VPS13A: variants seen among roughly 807,000 people sequenced by gnomAD.
VPS13A encodes the protein vacuolar protein sorting 13 homolog A, also known as intermembrane lipid transfer protein VPS13A.
VPS13A carries 264 observed loss-of-function variants against 390.9 expected under a neutral mutation model. That is an observed-to-expected ratio of 0.68 (90% confidence interval 0.61 to 0.75). The LOEUF is 0.75. Among genes scored for constraint, VPS13A ranks in the 30% least tolerant of loss-of-function variants. The pLI, the probability that VPS13A is intolerant of heterozygous loss-of-function variation, is 0.00. For missense variants in VPS13A, 3,409 were observed against 3,733.9 expected (o/e 0.91, Z 2.27); for synonymous variants, 1,231 against 1,227.1 (o/e 1.00, Z -0.07).
chr9:77,209,331 G>A, intron 5 of VPS13A, 92 bp from the exon 6 acceptor site: 1 of 874,908 alleles, frequency 1.1e-6, no homozygotes, highest in South Asian at 1.5e-5. Flanking sequence ...GTATATTTCA[G>A]CAAGGCAACG....
Position 77,212,970 on chromosome 9 carries a change from CA to C in VPS13A, c.559del (p.Thr187LeufsTer20). 6.2e-7 allele frequency: 1 copy of C among 1,613,736 alleles called. No individual in the cohort carries two copies. The highest frequency in any genetic ancestry group is 8.5e-7 in the Non-Finnish European group (1 of 1,179,898). The stretch of plus-strand genomic sequence containing the variant: ...GCCATTGTTTTTTTTCCTTTTCAGA[CA>C]ACTGATCAATACTGGGTTCCATGTT... ...GISLQNLSMQ[T>X]TDQYWVPCLH... On this transcript the variant is annotated frameshift_variant and splice_region_variant, in exon 8 of 72. Transcript: ENST00000360280. LOFTEE classifies it high-confidence loss of function.
chr9:77,193,329 A>C (rs761984911), intron 1 of VPS13A, among the ~76,000 whole-genome samples: 1 of 151,992 alleles, frequency 6.6e-6, no homozygotes, highest in Non-Finnish European at 1.5e-5. Context: ...CCATCATTTC[A>C]GTGTGATTAA....
intron 46 of VPS13A, among the ~76,000 whole-genome samples, chr9:77,336,865 C>T (rs1830565695): frequency 7.2e-6 from 1 of 138,330 alleles, no homozygotes; most frequent in Non-Finnish European, 1.5e-5. Context: ...GGCGCAATCT[C>T]GGCTCACTGT....
At chr9:77,408,062 C>T (rs980022964) in intron 71 of VPS13A, among the ~76,000 whole-genome samples, 1 of 152,158 alleles carries the variant, frequency 6.6e-6, no homozygotes, top group African/African-American at 2.4e-5. Flanking sequence ...AGTTTGAATA[C>T]TGATTTTGTC....
In VPS13A at chr9:77,337,250, T is replaced by A. The variant is rs759172543; in HGVS notation, c.6096-5T>A. On this transcript the variant is annotated splice_polypyrimidine_tract_variant and splice_region_variant and intron_variant, in intron 46 of 71. Coordinates refer to ENST00000360280, the MANE Select transcript of VPS13A (RefSeq NM_033305.3). ...TTTTAAACTGTATCATTTAATCTCATGCAGATCATTCATTTTTCTGAAGCC... is the reference window on the plus strand; with the variant it reads ...TTTTAAACTGTATCATTTAATCTCAAGCAGATCATTCATTTTTCTGAAGCC... The A allele has an allele frequency of 2.5e-6, 4 of 1,609,872 alleles. No individual in the cohort carries two copies. The Admixed American group carries it at 6.7e-5, about 27-fold the overall frequency.
At chr9:77,289,528 T>C (rs1412586819) in intron 31 of VPS13A, among the ~76,000 whole-genome samples, 1 of 152,134 alleles carries the variant, frequency 6.6e-6, no homozygotes, top group Non-Finnish European at 1.5e-5. Flanking sequence ...GTTGTACATA[T>C]AGTGTAAGAA....
intron 68 of VPS13A, among the ~76,000 whole-genome samples, chr9:77,388,121 T>G (rs1474758439): frequency 2.6e-5 from 4 of 152,190 alleles, no homozygotes; most frequent in Non-Finnish European, 5.9e-5. Context: ...TCAGGTGATG[T>G]TAAGTGTACA....
At position 77,197,291 on chromosome 9, in the gene VPS13A, A is replaced by T. The variant is rs146758797; in HGVS notation, c.101-2654A>T. Among the ~76,000 whole-genome samples the T allele has an allele frequency of 5.8e-3, 877 of 152,272 alleles. 12 individuals carry two copies. The highest frequency in any genetic ancestry group is 0.02 in the African/African-American group (846 of 41,558). On this transcript the variant is annotated intron_variant, in intron 1 of 71. Transcript: ENST00000360280. ...TCTTTTGGTCCAGTTGGTCAATAGT[A>T]TTAAGTCCTATATTTCCTTATTAAT...
At position 77,345,054 on chromosome 9, in the gene VPS13A, G is replaced by C. The variant is rs759634512; in HGVS notation, c.7201G>C (p.Val2401Leu). The change falls in exon 52 of 72, where the codon GTT becomes CTT. Residue 2401 changes from valine to leucine, a missense_variant. Val to Leu is a conservative substitution (Grantham distance 32). Coordinates refer to ENST00000360280, the MANE Select transcript of VPS13A (RefSeq NM_033305.3). Reference sequence around the variant, plus strand: ...AGTGAATTTGGCCGAGCATTCTACAGTTATTACATTTTTAGATTATCATGA... The same window carrying C: ...AGTGAATTTGGCCGAGCATTCTACACTTATTACATTTTTAGATTATCATGA... ...AEVNLAEHST[V>L]ITFLDYHDGA... is the part of the protein sequence containing the mutation. 1 of 1,612,992 alleles carries C rather than the reference G, an allele frequency of 6.2e-7. No individual in the cohort carries two copies. Among genetic ancestry groups the C allele is most frequent in the South Asian group, 1.1e-5 (1 of 91,072 alleles).
chr9:77,382,464 T>C, intron 68 of VPS13A: 1 of 1,366,178 alleles, frequency 7.3e-7, no homozygotes, highest in East Asian at 2.9e-5. Flanking sequence ...TAGGGTGTTC[T>C]TAGTTCTGCA....
At position 77,421,105 on chromosome 9, in the gene VPS13A, G is replaced by C. The variant is rs1401627922; in HGVS notation, c.*5099G>C. 1 of 152,166 alleles carries C rather than the reference G, an allele frequency of 6.6e-6. No homozygotes were observed. Among genetic ancestry groups the C allele is most frequent in the Non-Finnish European group, 1.5e-5 (1 of 68,026 alleles). 9.4% of individuals were successfully genotyped at this position (152,166 alleles called of 1,614,324 possible). A position where few individuals can be genotyped will look rare whatever the true frequency, so the allele number is the denominator to read the frequency against. On this transcript the variant is annotated 3_prime_UTR_variant, in exon 72 of 72. Coordinates refer to ENST00000360280, the MANE Select transcript of VPS13A (RefSeq NM_033305.3). ...GTGCACTTTAAAAATACTTTCTCTT[G>C]CTAGTTTTTTAAATTGATGAAATAG...
intron 33 of VPS13A, among the ~76,000 whole-genome samples, chr9:77,296,444 C>T (rs1347887332): frequency 6.6e-6 from 1 of 152,088 alleles, no homozygotes; most frequent in Non-Finnish European, 1.5e-5. Context: ...TCTATTTATA[C>T]TTCTCAACTG....
chr9:77,314,740 T>C, intron 37 of VPS13A, 76 bp downstream of exon 37: 2 of 1,455,578 alleles, frequency 1.4e-6, no homozygotes, highest in Non-Finnish European at 1.9e-6. Context: ...TCTCCAGAAT[T>C]GCACGTTCAT....
At chr9:77,349,624 G>A (rs1456034998) in intron 52 of VPS13A, among the ~76,000 whole-genome samples, 1 of 151,946 alleles carries the variant, frequency 6.6e-6, no homozygotes, top group African/African-American at 2.4e-5. Flanking sequence ...TTTAGAATCA[G>A]TTTATCTTCT....
chr9:77,190,754 A>G (rs552857783), intron 1 of VPS13A, among the ~76,000 whole-genome samples: 124 of 152,200 alleles, frequency 8.1e-4, no homozygotes, highest in Middle Eastern at 6.8e-3. Context: ...TTCAGAACTC[A>G]TTATTGCTCT....
chr9:77,327,487 T>A (rs1419645868), intron 45 of VPS13A, among the ~76,000 whole-genome samples: 2 of 152,114 alleles, frequency 1.3e-5, no homozygotes, highest in Admixed American at 1.3e-4. Context: ...ATTTATGAAA[T>A]TCTTAGTTCT....
intron 22 of VPS13A, among the ~76,000 whole-genome samples, chr9:77,257,733 T>G (rs932806866): frequency 6.6e-6 from 1 of 152,162 alleles, no homozygotes; most frequent in Non-Finnish European, 1.5e-5. Flanking sequence ...GTCACTGCAC[T>G]CCAGCTTGGG....
chr9:77,338,128 A>G (rs1830633354), intron 47 of VPS13A: 2 of 152,158 alleles, frequency 1.3e-5, no homozygotes, highest in African/African-American at 2.4e-5. Flanking sequence ...GGTGCATGCC[A>G]TGCCTGGATA....
rs370606167 is a variant in VPS13A, at chr9:77,340,474, T to G, written c.6950T>G (p.Ile2317Ser). Residue 2317 changes from isoleucine to serine, a missense_variant, in exon 50 of 72, where the codon ATT (isoleucine) becomes AGT (serine). Coordinates refer to ENST00000360280, the MANE Select transcript of VPS13A (RefSeq NM_033305.3). ...RIVTFTPFYM[I>S]KNKSKYHISV... ...GTGACATTTACCCCTTTTTATATGATTAAAAACAAAAGCAAATACCATATA... is the reference window on the plus strand; with the variant it reads ...GTGACATTTACCCCTTTTTATATGAGTAAAAACAAAAGCAAATACCATATA... The G allele has an allele frequency of 6.2e-7, 1 of 1,613,486 alleles. No homozygotes were observed. Among genetic ancestry groups the G allele is most frequent in the South Asian group, 1.1e-5 (1 of 91,068 alleles).
Sources: allele counts gnomAD v4.1 joint callset (sites outside exome capture counted in the v4.1 genomes callset), GRCh38; gene constraint gnomAD v4.1.1; transcripts MANE v1.5; gene names NCBI Gene and HGNC (gene_info 2026-07-23, HGNC 2026-07-21).